Variants in HECW2 observed in about 807,000 individuals in gnomAD.
HECW2 encodes the protein HECT, C2 and WW domain containing E3 ubiquitin protein ligase 2.
A neutral mutation model predicts 175.2 loss-of-function variants in HECW2; 61 were observed. The ratio of observed to expected loss-of-function variants is 0.35; its 90% CI spans 0.28 to 0.43. The LOEUF is 0.43. HECW2 is among the 20% of genes least tolerant of loss of function. The pLI, the probability that HECW2 is intolerant of heterozygous loss-of-function variation, is 1.00. For synonymous variants in HECW2, 671 were observed against 731.0 expected (o/e 0.92, Z 1.32); for missense variants, 1,524 against 2,000.5 (o/e 0.76, Z 4.54).
intron 3 of HECW2, among the ~76,000 whole-genome samples, chr2:196,335,933 T>C (rs1410967949): frequency 6.6e-6 from 1 of 152,078 alleles, no homozygotes; most frequent in East Asian, 1.9e-4. Context: ...ATCACAGGCA[T>C]GGCAAAATAC....
chr2:196,340,011 T>C (rs971616122), intron 3 of HECW2, among the ~76,000 whole-genome samples: 1 of 152,224 alleles, frequency 6.6e-6, no homozygotes, highest in African/African-American at 2.4e-5. Flanking sequence ...ATAGCCTACG[T>C]AGTGCTCAAA....
chr2:196,477,944 A>AG (rs1041072214), intron 1 of HECW2, among the ~76,000 whole-genome samples: 13 of 151,978 alleles, frequency 8.6e-5, no homozygotes, highest in Non-Finnish European at 1.0e-4. Flanking sequence ...TCCAGCTACT[A>AG]GGGGGGCTGA....
At chr2:196,483,864 C>T (rs1208014905) in intron 1 of HECW2, among the ~76,000 whole-genome samples, 1 of 152,116 alleles carries the variant, frequency 6.6e-6, no homozygotes, top group African/African-American at 2.4e-5. Flanking sequence ...TGTGGACCTT[C>T]TGTGAAAGGT....
intron 2 of HECW2, among the ~76,000 whole-genome samples, chr2:196,396,828 A>C (rs112891702): frequency 6.6e-6 from 1 of 150,784 alleles, no homozygotes; most frequent in East Asian, 1.9e-4. Context: ...TAAAAAAAAA[A>C]TGGCCGGGTG....
chr2:196,247,482 CA>C (rs913469358), intron 19 of HECW2, among the ~76,000 whole-genome samples: 8 of 152,216 alleles, frequency 5.3e-5, no homozygotes, highest in Admixed American at 2.6e-4. Context: ...ATGGTCTTTA[CA>C]GTCTTAAAGA....
intron 1 of HECW2, among the ~76,000 whole-genome samples, chr2:196,435,555 A>G (rs4850396): frequency 0.95 from 143,991 of 152,310 alleles, 68,190 homozygotes; most frequent in East Asian, 1. Flanking sequence ...CAGAAGAAAT[A>G]CTGACAATTA....
chr2:196,516,144 A>T (rs1688140673), intron 1 of HECW2, among the ~76,000 whole-genome samples: 1 of 152,164 alleles, frequency 6.6e-6, no homozygotes. Context: ...CTCAATAAAC[A>T]AAACAAAACA....
In HECW2 at chr2:196,296,239, C is replaced by T. The variant is rs144325843; in HGVS notation, c.2815-3489G>A. On this transcript the variant is annotated intron_variant, in intron 13 of 28. Transcript: ENST00000644978. ...TTCATATAGAACTACAGTGCAGATT[C>T]TAGTCTCAGCTCTGTCACTCATAGA... Among the ~76,000 whole-genome samples, 5 of 152,234 alleles carry T rather than the reference C, an allele frequency of 3.3e-5. No individual in the cohort carries two copies. In the East Asian group the frequency reaches 9.6e-4, roughly 29 times the overall value.
intron 1 of HECW2, among the ~76,000 whole-genome samples, chr2:196,445,538 C>A (rs188062026): frequency 6.6e-6 from 1 of 152,214 alleles, no homozygotes; most frequent in East Asian, 1.9e-4. Context: ...AGTAAAGTGC[C>A]TACTGTGTGC....
At chr2:196,268,211 A>G (rs1689589521) in intron 17 of HECW2, among the ~76,000 whole-genome samples, 2 of 152,346 alleles carry the variant, frequency 1.3e-5, no homozygotes, top group South Asian at 4.1e-4. Context: ...GCAGTGTGAC[A>G]CACACTCTGG....
At chr2:196,319,985 A>G in intron 8 of HECW2, 81 bp from the exon 9 acceptor site, 1 of 1,362,040 alleles carries the variant, frequency 7.3e-7, no homozygotes, top group East Asian at 2.5e-5. Flanking sequence ...TTTGCCACCA[A>G]TAAGTTCAAA....
chr2:196,319,361 T>G lies in HECW2; in HGVS notation c.1529A>C (p.Asp510Ala), dbSNP rs1245608787. 6.2e-7 allele frequency: 1 copy of G among 1,614,198 alleles called. No individual in the cohort carries two copies. Among genetic ancestry groups the G allele is most frequent in the Admixed American group, 1.7e-5 (1 of 60,026 alleles). Reference protein sequence around the residue: ...GSLTSQTKLEDNPVENEEAST... With the variant: ...GSLTSQTKLEANPVENEEAST... ...GGCTTCCTCATTCTCAACAGGGTTGTCCTCCAGCTTTGTCTGAGATGTCAG... is the reference window on the plus strand; with the variant it reads ...GGCTTCCTCATTCTCAACAGGGTTGGCCTCCAGCTTTGTCTGAGATGTCAG... Residue 510 changes from aspartate (D) to alanine (A), a missense_variant, in exon 9 of 29, where the codon GAC (aspartate) becomes GCC (alanine). Physicochemically the swap from Asp to Ala is moderately radical, Grantham distance 126 (BLOSUM62 -2). This residue lies in a region of HECW2 where 604 missense variants were observed against 588.3 expected (regional missense o/e 1.03). Transcript: ENST00000644978.
intron 1 of HECW2, among the ~76,000 whole-genome samples, chr2:196,583,573 A>G (rs915376608): frequency 6.6e-6 from 1 of 152,224 alleles, no homozygotes; most frequent in African/African-American, 2.4e-5. Context: ...GCAAGGAGTT[A>G]GAAGACTTAC....
At chr2:196,558,813 C>T (rs997655057) in intron 1 of HECW2, among the ~76,000 whole-genome samples, 3 of 152,184 alleles carry the variant, frequency 2.0e-5, no homozygotes, top group African/African-American at 7.2e-5. Flanking sequence ...CTTGAAAATA[C>T]ATTTGATGGG....
At chr2:196,427,951 T>C (rs1695595701) in intron 2 of HECW2, among the ~76,000 whole-genome samples, 1 of 152,220 alleles carries the variant, frequency 6.6e-6, no homozygotes, top group Non-Finnish European at 1.5e-5. Context: ...TAAAGAAGGA[T>C]TTACTTTTCT....
intron 17 of HECW2, among the ~76,000 whole-genome samples, chr2:196,268,772 G>C (rs7588468): frequency 0.28 from 42,185 of 152,116 alleles, 6,207 homozygotes; most frequent in African/African-American, 0.38. Flanking sequence ...TGGTAGAAGA[G>C]AGAGAAAATA....
intron 1 of HECW2, among the ~76,000 whole-genome samples, chr2:196,438,542 A>T (rs1695947131): frequency 6.6e-6 from 1 of 152,196 alleles, no homozygotes; most frequent in East Asian, 1.9e-4. Flanking sequence ...GGAAGTACAG[A>T]TTTAAACCAT....
intron 1 of HECW2, among the ~76,000 whole-genome samples, chr2:196,536,195 T>A (rs369663604): frequency 6.6e-6 from 1 of 152,228 alleles, no homozygotes; most frequent in African/African-American, 2.4e-5. Context: ...ATAGGTCTCA[T>A]CAACCAGTAA....
intron 1 of HECW2, among the ~76,000 whole-genome samples, chr2:196,477,955 G>A (rs1310705743): frequency 6.6e-6 from 1 of 152,132 alleles, no homozygotes; most frequent in South Asian, 2.1e-4. Flanking sequence ...GGGGGGCTGA[G>A]GCAGAAGGAT....
Sources: allele counts gnomAD v4.1 joint callset (sites outside exome capture counted in the v4.1 genomes callset), GRCh38; gene constraint gnomAD v4.1.1; regional missense constraint gnomAD v4.1.1; transcripts MANE v1.5; gene names NCBI Gene and HGNC (gene_info 2026-07-23, HGNC 2026-07-21).